Variants in MPP7 observed in about 807,000 individuals in gnomAD.
MPP7 encodes MAGUK p55 subfamily member 7.
Under a neutral mutation model 76.5 loss-of-function variants are expected in MPP7, and 60 were observed. That is an observed-to-expected ratio of 0.78 (90% CI 0.64 to 0.97). MPP7 has a LOEUF of 0.97. Ranked by LOEUF, MPP7 falls within the 50% of genes least tolerant of loss-of-function variation. The pLI is 0.00. For synonymous variants in MPP7, 237 were observed against 244.5 expected (o/e 0.97, Z 0.29); for missense variants, 641 against 694.0 (o/e 0.92, Z 0.86).
chr10:28,146,114 T>C (rs1835694559), intron 5 of MPP7, among the ~76,000 whole-genome samples: 1 of 152,182 alleles, frequency 6.6e-6, no homozygotes, highest in African/African-American at 2.4e-5. Flanking sequence ...TACTAACTTC[T>C]CAGGTGCAGT....
chr10:28,109,093 G>T (rs1436090912), intron 11 of MPP7, among the ~76,000 whole-genome samples: 1 of 152,174 alleles, frequency 6.6e-6, no homozygotes, highest in Non-Finnish European at 1.5e-5. Flanking sequence ...TTTGAGACCA[G>T]CCTGGCCAAC....
chr10:28,233,587 G>A (rs1394465049), intron 2 of MPP7, among the ~76,000 whole-genome samples: 2 of 151,728 alleles, frequency 1.3e-5, no homozygotes, highest in South Asian at 2.1e-4. Context: ...GCGTGGTGGC[G>A]GGCGCCTGTA....
upstream of MPP7, among the ~76,000 whole-genome samples, chr10:28,304,847 G>A (rs549050605): frequency 5.3e-5 from 8 of 151,994 alleles, no homozygotes; most frequent in Admixed American, 2.6e-4. Flanking sequence ...CTCATCAAAC[G>A]TAATCAATAT....
At chr10:28,253,124 T>C (rs943358326) in intron 1 of MPP7, among the ~76,000 whole-genome samples, 2 of 151,992 alleles carry the variant, frequency 1.3e-5, no homozygotes, top group Non-Finnish European at 2.9e-5. Context: ...GACAGGCTGG[T>C]CTCGAACTCC....
chr10:28,316,176 C>T (rs985277877), intron 2 of MPP7, among the ~76,000 whole-genome samples: 7 of 152,056 alleles, frequency 4.6e-5, no homozygotes, highest in Non-Finnish European at 8.8e-5. Flanking sequence ...GTGGCTCACG[C>T]CTGTAATCCG....
intron 2 of MPP7, among the ~76,000 whole-genome samples, chr10:28,218,465 G>A (rs779072139): frequency 1.3e-5 from 2 of 152,284 alleles, no homozygotes; most frequent in Non-Finnish European, 2.9e-5. Context: ...CAACAGGTGA[G>A]ACAGACAGGT....
intron 4 of MPP7, among the ~76,000 whole-genome samples, chr10:28,148,156 T>C (rs1564658607): frequency 2.0e-5 from 3 of 152,212 alleles, no homozygotes; most frequent in Admixed American, 6.5e-5. Context: ...AAATGAGCTA[T>C]AATGGGTTGA....
rs148582471 is a variant in MPP7, at chr10:28,195,582, A to G, written c.156+6571T>C. 4.2e-3 allele frequency among the ~76,000 whole-genome samples: 637 copies of G among 152,332 alleles called. 2 individuals carry two copies. Among genetic ancestry groups the G allele is most frequent in the Non-Finnish European group, 7.5e-3 (507 of 68,020 alleles). ...AAGGAATTAAGTACTGATACATGCT[A>G]TAATTTGGGTGAGCCTTGAAAACAT... On this transcript the variant is annotated intron_variant, in intron 3 of 16. Transcript: ENST00000683449.
chr10:28,209,743 A>G (rs906073083), intron 2 of MPP7, among the ~76,000 whole-genome samples: 1 of 152,220 alleles, frequency 6.6e-6, no homozygotes, highest in African/African-American at 2.4e-5. Flanking sequence ...TTCTAAGTTC[A>G]ACAAATGACA....
chr10:28,217,570 G>T (rs1391156056), intron 2 of MPP7, among the ~76,000 whole-genome samples: 1 of 129,536 alleles, frequency 7.7e-6, no homozygotes, highest in African/African-American at 2.7e-5. Flanking sequence ...AAGAAAAACT[G>T]CATCAGGGAA....
chr10:28,259,280 T>C (rs16928649), intron 1 of MPP7, among the ~76,000 whole-genome samples: 5,953 of 152,194 alleles, frequency 0.039, 240 homozygotes, highest in African/African-American at 0.093. Flanking sequence ...TAGACTCCTT[T>C]TAAATACCTA....
rs763076848 is a variant in MPP7 at position 28,097,312 on chromosome 10, TTC to T, written c.953-7473_953-7472del. Among the ~76,000 whole-genome samples, 11 of 152,212 alleles carry T rather than the reference TTC, an allele frequency of 7.2e-5. No homozygotes were observed. The East Asian group carries it at 7.7e-4, about 11-fold the overall frequency. ...TTCTCTTTTTAATAATATCAATAAATTCTCTTTTTAATAATAATATCAAATAA... is the reference window on the plus strand; with the variant it reads ...TTCTCTTTTTAATAATATCAATAAATTCTTTTTAATAATAATATCAAATAA... On this transcript the variant is annotated intron_variant, in intron 11 of 16. Transcript: ENST00000683449.
Position 28,150,005 on chromosome 10 carries a change from C to T in MPP7, c.211G>A (p.Gly71Ser). 1.9e-6 allele frequency: 3 copies of T among 1,613,648 alleles called. No homozygotes were observed. The highest frequency in any genetic ancestry group is 1.7e-6 in the Non-Finnish European group (2 of 1,179,898). Residue 71 changes from glycine to serine, a missense_variant, in exon 4 of 17, where the codon GGT (glycine) becomes AGT (serine). Physicochemically the swap from Gly to Ser is moderately conservative, Grantham distance 56. Coordinates refer to ENST00000683449, the MANE Select transcript of MPP7 (RefSeq NM_001318170.2). Reference sequence around the variant, plus strand: ...ACATCATCGGCCAAGGCCGCCGCACCATGGAGAATGGGCACCGGACTCTGC... The same window carrying T: ...ACATCATCGGCCAAGGCCGCCGCACTATGGAGAATGGGCACCGGACTCTGC... ...EKQSPVPILH[G>S]AAALADDLAE...
intron 16 of MPP7, among the ~76,000 whole-genome samples, chr10:28,056,114 C>T (rs543319963): frequency 3.3e-5 from 5 of 152,216 alleles, no homozygotes; most frequent in African/African-American, 9.6e-5. Context: ...CTCACTCTGT[C>T]GCCCAGGCTG....
chr10:28,118,820 C>T (rs1406372632), intron 11 of MPP7: 3 of 985,266 alleles, frequency 3.0e-6, no homozygotes, highest in Non-Finnish European at 3.6e-6. Context: ...ACAGAAATCA[C>T]AGGAGATGTG....
chr10:28,224,565 A>C (rs943964536), intron 2 of MPP7, among the ~76,000 whole-genome samples: 8 of 152,220 alleles, frequency 5.3e-5, no homozygotes, highest in Admixed American at 4.6e-4. Flanking sequence ...TCCTTCATTA[A>C]ATTAAAAACA....
intron 1 of MPP7, among the ~76,000 whole-genome samples, chr10:28,265,891 C>T (rs561913072): frequency 2.0e-5 from 3 of 152,244 alleles, no homozygotes; most frequent in Non-Finnish European, 4.4e-5. Flanking sequence ...TGCTTGAATA[C>T]TTAGGTAAGC....
intron 1 of MPP7, among the ~76,000 whole-genome samples, chr10:28,278,708 G>A (rs1280846367): frequency 1.3e-5 from 2 of 151,526 alleles, no homozygotes; most frequent in African/African-American, 4.9e-5. Flanking sequence ...AAAGATAAAA[G>A]GATATATACA....
At chr10:28,318,828 C>A (rs2133181596) in intron 2 of MPP7, among the ~76,000 whole-genome samples, 1 of 152,302 alleles carries the variant, frequency 6.6e-6, no homozygotes, top group African/African-American at 2.4e-5. Context: ...ATCTCATACA[C>A]CATCTGTAGA....
Sources: gnomAD v4.1 joint callset for allele counts (sites outside exome capture counted in the v4.1 genomes callset) on GRCh38, gnomAD v4.1.1 for gene constraint, MANE v1.5 for transcripts, NCBI Gene and HGNC (gene_info 2026-07-23, HGNC 2026-07-21) for gene names.